The following AADACL4 variants were observed in gnomAD, a reference collection of about 807,000 sequenced individuals.
The protein encoded by AADACL4 is arylacetamide deacetylase-like 4.
AADACL4 carries 9 observed loss-of-function variants against 14.1 expected under a neutral mutation model. The observed-to-expected ratio is 0.64, with a 90% CI of 0.39 to 1.12. The LOEUF (loss-of-function observed/expected upper bound fraction) is 1.12. Ranked by LOEUF, AADACL4 falls within the 50% of genes most tolerant of loss-of-function variation. The probability of loss-of-function intolerance (pLI) is 0.01; values close to 1 mark genes in which losing one functional copy is unlikely to be tolerated. For synonymous variants in AADACL4, 188 were observed against 201.6 expected (o/e 0.93, Z 0.57); for missense variants, 531 against 516.1 (o/e 1.03, Z -0.28).
At chr1:12,663,678 C>T (rs1647266368) in intron 3 of AADACL4, among the ~76,000 whole-genome samples, 3 of 152,050 alleles carry the variant, frequency 2.0e-5, no homozygotes, top group Admixed American at 2.0e-4. Flanking sequence ...ATAGAAAGTA[C>T]CTAATATTTG....
At chr1:12,662,122 T>TTATTTAATAGTTCA (rs779282036) in intron 3 of AADACL4, among the ~76,000 whole-genome samples, 3 of 152,166 alleles carry the variant, frequency 2.0e-5, no homozygotes, top group Admixed American at 6.5e-5. Context: ...TCCACAGCCA[T>TTATTTAATAGTTCA]TTAAATAAAT....
chr1:12,652,133 A>T (rs1647152526), intron 2 of AADACL4, among the ~76,000 whole-genome samples: 1 of 151,924 alleles, frequency 6.6e-6, no homozygotes, highest in African/African-American at 2.4e-5. Context: ...TTCCAGAGGG[A>T]TCTTTTAAAA....
At chr1:12,661,902 T>G in intron 3 of AADACL4, 48 bp downstream of exon 3, 4 of 1,575,088 alleles carry the variant, frequency 2.5e-6, no homozygotes, top group Non-Finnish European at 3.5e-6. Flanking sequence ...TGAGAGGAGA[T>G]AGGGTAAGTT....
intron 2 of AADACL4, among the ~76,000 whole-genome samples, chr1:12,657,135 T>G (rs1386198911): frequency 8.7e-6 from 1 of 115,272 alleles, no homozygotes; most frequent in African/African-American, 4.2e-5. Flanking sequence ...AGAGAAAGAC[T>G]GTCTCAAAAA....
chr1:12,663,342 G>C (rs1647259856), intron 3 of AADACL4, among the ~76,000 whole-genome samples: 1 of 152,204 alleles, frequency 6.6e-6, no homozygotes, highest in Non-Finnish European at 1.5e-5. Flanking sequence ...CAGGGTGTCA[G>C]CATGGTCAGG....
At position 12,644,759 on chromosome 1, in the gene AADACL4, C is replaced by A. The variant is rs1273730777; in HGVS notation, c.168+45C>A. On this transcript the variant is annotated intron_variant, in intron 1 of 3. Coordinates refer to ENST00000376221, the MANE Select transcript of AADACL4 (RefSeq NM_001013630.2). ...ACGTCGTAACCTGGGGGCTTCTTCT[C>A]TTGTTCTCAGTACCTTACCCTCTTT... 2.5e-6 allele frequency: 4 copies of A among 1,589,458 alleles called. No homozygotes were observed. In the African/African-American group the frequency reaches 5.4e-5, roughly 21 times the overall value.
chr1:12,650,166 C>T (rs1224161717), intron 1 of AADACL4, among the ~76,000 whole-genome samples: 1 of 152,224 alleles, frequency 6.6e-6, no homozygotes, highest in African/African-American at 2.4e-5. Flanking sequence ...GACAAAGACA[C>T]ACTCCAAATG....
intron 2 of AADACL4, among the ~76,000 whole-genome samples, chr1:12,656,574 G>A (rs751006499): frequency 3.3e-5 from 5 of 152,182 alleles, no homozygotes; most frequent in South Asian, 2.1e-4. Flanking sequence ...ACCCTGCTGC[G>A]TCTAAAGAGT....
chr1:12,651,376 C>G, intron 2 of AADACL4, 37 bp downstream of exon 2: 1 of 1,601,352 alleles, frequency 6.2e-7, no homozygotes, highest in Non-Finnish European at 8.5e-7. Context: ...GAGGAAGGGC[C>G]TCATCTGCAT....
intron 2 of AADACL4, 90 bp from the exon 3 acceptor site, chr1:12,661,701 A>G: frequency 7.4e-7 from 1 of 1,344,798 alleles, no homozygotes; most frequent in Admixed American, 1.7e-5. Flanking sequence ...ACCCCACACC[A>G]AGACTGTCAG....
At chr1:12,653,157 A>G (rs891904008) in intron 2 of AADACL4, among the ~76,000 whole-genome samples, 9 of 152,216 alleles carry the variant, frequency 5.9e-5, no homozygotes, top group African/African-American at 2.2e-4. Context: ...TGGGTGACCC[A>G]AGGTGGGTCA....
intron 2 of AADACL4, among the ~76,000 whole-genome samples, chr1:12,653,978 G>GTGTGTGTTTAGT (rs1647165868): frequency 6.6e-6 from 1 of 152,168 alleles, no homozygotes; most frequent in African/African-American, 2.4e-5. Context: ...CATGCCAAGG[G>GTGTGTGTTTAGT]ATTTACAAAC....
Position 12,666,549 on chromosome 1 carries a change from T to G in AADACL4, c.1038T>G (p.Asn346Lys), listed in dbSNP as rs377235945. The change falls in exon 4 of 4, where the codon AAT becomes AAG. Residue 346 changes from asparagine to lysine, a missense_variant. Asn to Lys is a moderately conservative substitution (Grantham distance 94, BLOSUM62 0). Transcript: ENST00000376221. ...LPEAFLVSCE[N>K]DILRDDSLLY... ...AGGCCTTCCTGGTGAGCTGTGAGAA[T>G]GACATACTCCGTGATGACAGCTTGC... The G allele has an allele frequency of 6.2e-7, 1 of 1,614,216 alleles. No individual in the cohort carries two copies. Among genetic ancestry groups the G allele is most frequent in the Admixed American group, 1.7e-5 (1 of 60,030 alleles).
intron 1 of AADACL4, among the ~76,000 whole-genome samples, chr1:12,646,737 A>G (rs1647113522): frequency 6.6e-6 from 1 of 152,202 alleles, no homozygotes; most frequent in South Asian, 2.1e-4. Flanking sequence ...TGGGCTGTTC[A>G]CAGGGGACTC....
chr1:12,650,256 G>A (rs377299048), intron 1 of AADACL4, among the ~76,000 whole-genome samples: 10 of 152,260 alleles, frequency 6.6e-5, no homozygotes, highest in South Asian at 4.2e-4. Flanking sequence ...ACTGTATTTC[G>A]TGAAATATTC....
At chr1:12,648,572 T>G (rs983031860) in intron 1 of AADACL4, among the ~76,000 whole-genome samples, 3 of 151,412 alleles carry the variant, frequency 2.0e-5, no homozygotes, top group African/African-American at 7.3e-5. Context: ...TTTTTTTTTT[T>G]TTGTATGTTT....
chr1:12,663,949 A>T lies in AADACL4; in HGVS notation c.450-2012A>T, dbSNP rs1403869322. ...TTATTGGGTGATAATTGTTTCCTAGATGGGCACTAAATTATGCTGCAATCA... is the reference window on the plus strand; with the variant it reads ...TTATTGGGTGATAATTGTTTCCTAGTTGGGCACTAAATTATGCTGCAATCA... On this transcript the variant is annotated intron_variant, in intron 3 of 3. Coordinates refer to ENST00000376221, the MANE Select transcript of AADACL4 (RefSeq NM_001013630.2). 2.6e-5 allele frequency among the ~76,000 whole-genome samples: 4 copies of T among 152,224 alleles called. No homozygotes were observed. The East Asian group carries it at 7.7e-4, about 29-fold the overall frequency.
rs763428624 is a variant in AADACL4 at position 12,666,347 on chromosome 1, G to A, written c.836G>A (p.Arg279Lys). 4.3e-6 allele frequency: 7 copies of A among 1,614,042 alleles called. No individual in the cohort carries two copies. In the South Asian group the frequency reaches 4.4e-5, roughly 10 times the overall value. The change falls in exon 4 of 4, where the codon AGG becomes AAG. Residue 279 changes from arginine (R) to lysine (K), a missense_variant. Transcript: ENST00000376221. Reference protein sequence around the residue: ...NGTCVPPDVWRKYEKWLSPDN... With the variant: ...NGTCVPPDVWKKYEKWLSPDN... ...ACTTGTGTACCCCCAGACGTCTGGA[G>A]GAAGTACGAGAAGTGGCTCAGCCCT...
intron 3 of AADACL4, among the ~76,000 whole-genome samples, chr1:12,662,940 G>A (rs947695822): frequency 2.0e-5 from 3 of 152,152 alleles, no homozygotes; most frequent in African/African-American, 7.2e-5. Flanking sequence ...AGCACATAAA[G>A]GTATCAATAA....
Sources: gnomAD v4.1 joint callset for allele counts (sites outside exome capture counted in the v4.1 genomes callset) on GRCh38, gnomAD v4.1.1 for gene constraint, MANE v1.5 for transcripts, NCBI Gene and HGNC (gene_info 2026-07-23, HGNC 2026-07-21) for gene names.